Variants in EML6 observed in about 807,000 individuals in gnomAD.
The protein encoded by EML6 is echinoderm microtubule-associated protein-like 6.
EML6 carries 154 observed loss-of-function variants against 240.1 expected under a neutral mutation model. The ratio of observed to expected loss-of-function variants is 0.64; its 90% CI spans 0.56 to 0.73. The LOEUF (loss-of-function observed/expected upper bound fraction) is 0.73, where lower values mean the gene tolerates loss of function less well. Among genes scored for constraint, EML6 ranks in the 30% least tolerant of loss-of-function variants. EML6 has a pLI of 0.00. For missense variants in EML6, 2,964 were observed against 2,474.6 expected, an observed-to-expected ratio of 1.20 and a Z score of -4.20; for synonymous variants, 1,148 against 899.0, an observed-to-expected ratio of 1.28 and a Z score of -4.95.
At position 54,813,092 on chromosome 2, in the gene EML6, T is replaced by G. The variant is rs993907371; in HGVS notation, c.198-140T>G. The stretch of plus-strand genomic sequence containing the variant: ...CATTTCAATTAGTCAAATCAAGTAA[T>G]TAATTACTTTGGGGACAGTTCAGAC... On this transcript the variant is annotated intron_variant, in intron 2 of 41. Coordinates refer to ENST00000356458, the MANE Select transcript of EML6 (RefSeq NM_001039753.4). The G allele has an allele frequency of 1.1e-4, 65 of 618,820 alleles. No homozygotes were observed. The Middle Eastern group carries it at 3.6e-3, about 34-fold the overall frequency. The allele number at this position is 618,820 out of a possible 1,614,324, so 38.3% of individuals were successfully genotyped here.
Position 54,724,073 on chromosome 2 carries a change from T to C in EML6, c.-514+296T>C, listed in dbSNP as rs1215222228. ...AGTACACGATTTTTGCCACTTGTTA[T>C]TTGATTTCTCCTCGACCAGGAGCGT... On this transcript the variant is annotated intron_variant, in intron 1 of 41. Coordinates refer to ENST00000356458, the MANE Select transcript of EML6 (RefSeq NM_001039753.4). The surrounding 1 kb of genome is among the most constrained non-coding windows in gnomAD (Gnocchi z 5.2). Among the ~76,000 whole-genome samples, 2 of 152,220 alleles carry C rather than the reference T, an allele frequency of 1.3e-5. No individual in the cohort carries two copies. Among genetic ancestry groups the C allele is most frequent in the Non-Finnish European group, 2.9e-5 (2 of 68,042 alleles).
chr2:54,894,528 C>T (rs1444779800), intron 19 of EML6, among the ~76,000 whole-genome samples: 2 of 152,194 alleles, frequency 1.3e-5, no homozygotes, highest in African/African-American at 4.8e-5. Context: ...GTGATGTTAA[C>T]TTCAATCCAT....
In EML6 at chr2:54,962,617, G is replaced by A; in HGVS notation, c.5063G>A (p.Gly1688Glu). The change falls in exon 36 of 42, where the codon GGG (glycine) becomes GAG (glutamate). Residue 1688 changes from glycine to glutamate, a missense_variant. Gly to Glu is a moderately conservative substitution (Grantham distance 98). Coordinates refer to ENST00000356458, the MANE Select transcript of EML6 (RefSeq NM_001039753.4). ...SNILIDGHME[G>E]EIWGLATHPS... ...ATCCTGATTGATGGTCACATGGAAG[G>A]GGAGATCTGGGGCCTGGCCACTCAC... 4 of 1,547,552 alleles carry A rather than the reference G, an allele frequency of 2.6e-6. No individual in the cohort carries two copies. The highest frequency in any genetic ancestry group is 2.4e-5 in the South Asian group (2 of 82,762).
At chr2:54,749,205 T>G (rs896407293) in intron 2 of EML6, among the ~76,000 whole-genome samples, 12 of 152,314 alleles carry the variant, frequency 7.9e-5, no homozygotes, top group Admixed American at 7.2e-4. Context: ...ATGTGGAAAT[T>G]TTAAAGTTAA....
intron 24 of EML6, among the ~76,000 whole-genome samples, chr2:54,908,696 T>C (rs553713747): frequency 5.6e-4 from 85 of 152,266 alleles, no homozygotes; most frequent in African/African-American, 1.9e-3. Context: ...CTCTACTTCA[T>C]CTGCACATGG....
intron 28 of EML6, among the ~76,000 whole-genome samples, chr2:54,937,837 T>C (rs531843179): frequency 6.6e-6 from 1 of 152,314 alleles, no homozygotes; most frequent in African/African-American, 2.4e-5. Context: ...AATTAAATAC[T>C]GTTTGTATTT....
At chr2:54,939,558 G>A (rs914018291) in intron 28 of EML6, among the ~76,000 whole-genome samples, 3 of 152,092 alleles carry the variant, frequency 2.0e-5, no homozygotes, top group Non-Finnish European at 4.4e-5. Flanking sequence ...TTGGCTGATC[G>A]CAGCTGTCAG....
At chr2:54,844,006 A>C in intron 7 of EML6, 41 bp from the exon 8 acceptor site, 1 of 760,704 alleles carries the variant, frequency 1.3e-6, no homozygotes, top group African/African-American at 3.1e-5. Context: ...GTGTGTGTGA[A>C]TAGTGTGAAG....
chr2:54,916,920 T>C lies in EML6; in HGVS notation c.3660T>C (p.Phe1220=), dbSNP rs1160198944. 2 of 1,544,202 alleles carry C rather than the reference T, an allele frequency of 1.3e-6. No individual in the cohort carries two copies. The highest frequency in any genetic ancestry group is 8.8e-7 in the Non-Finnish European group (1 of 1,140,558). ...TGDDFGFVKL[F]SYPVKGQHAR... ...ATGATTTTGGTTTCGTTAAGCTTTT[T>C]TCATATCCTGTCAAGGTAATATTGC... Residue 1220 remains phenylalanine (F), a synonymous_variant, in exon 26 of 42, where the codon TTT becomes TTC. Transcript: ENST00000356458.
At chr2:54,905,620 A>T (rs974121554) in intron 24 of EML6, among the ~76,000 whole-genome samples, 3 of 152,136 alleles carry the variant, frequency 2.0e-5, no homozygotes, top group Non-Finnish European at 4.4e-5. Context: ...CTGTTGTGCA[A>T]CCATCACTGC....
At chr2:54,934,077 G>A (rs796615036) in intron 28 of EML6, among the ~76,000 whole-genome samples, 10 of 152,278 alleles carry the variant, frequency 6.6e-5, no homozygotes, top group African/African-American at 2.2e-4. Context: ...AACAATCAAC[G>A]ATTCCTGCCC....
At chr2:54,913,517 T>TA (rs1158973134) in intron 25 of EML6, among the ~76,000 whole-genome samples, 2 of 152,186 alleles carry the variant, frequency 1.3e-5, no homozygotes, top group Non-Finnish European at 2.9e-5. Context: ...TTTTGCCTGT[T>TA]GACTTAAGTT....
intron 17 of EML6, chr2:54,880,390 C>G (rs888514196): frequency 6.6e-6 from 1 of 152,250 alleles, no homozygotes; most frequent in Admixed American, 6.5e-5. Context: ...TTCTGTCTTG[C>G]GATATAAAAT....
intron 25 of EML6, among the ~76,000 whole-genome samples, chr2:54,911,466 T>C (rs1285851100): frequency 6.6e-6 from 1 of 151,974 alleles, no homozygotes; most frequent in Non-Finnish European, 1.5e-5. Flanking sequence ...GTCTTGCTCT[T>C]TTGCCCAGGC....
chr2:54,895,477 T>C, intron 21 of EML6, 77 bp downstream of exon 21: 2 of 1,463,310 alleles, frequency 1.4e-6, no homozygotes, highest in Non-Finnish European at 1.9e-6. Flanking sequence ...ATGCTTAGGT[T>C]GCAAAACTTA....
chr2:54,911,285 A>G (rs879115378), intron 25 of EML6, among the ~76,000 whole-genome samples: 4 of 152,208 alleles, frequency 2.6e-5, no homozygotes, highest in African/African-American at 7.2e-5. Context: ...CCTGAAGACA[A>G]TGAATAAGCT....
intron 17 of EML6, among the ~76,000 whole-genome samples, chr2:54,890,142 GATA>G (rs1672388152): frequency 6.6e-6 from 1 of 152,144 alleles, no homozygotes; most frequent in South Asian, 2.1e-4. Flanking sequence ...ATCTGAAAAT[GATA>G]ATATGATTTT....
At chr2:54,832,341 G>A (rs1668913919) in intron 7 of EML6, among the ~76,000 whole-genome samples, 1 of 152,198 alleles carries the variant, frequency 6.6e-6, no homozygotes, top group South Asian at 2.1e-4. Flanking sequence ...TTGCACTGAA[G>A]CAAGGAAGGA....
chr2:54,852,096 T>A (rs1670122006), intron 10 of EML6, among the ~76,000 whole-genome samples: 1 of 152,234 alleles, frequency 6.6e-6, no homozygotes, highest in African/African-American at 2.4e-5. Flanking sequence ...TCATAGTCCT[T>A]ATTTACTTGG....
Sources: gnomAD v4.1 joint callset for allele counts (sites outside exome capture counted in the v4.1 genomes callset) on GRCh38, gnomAD v4.1.1 for gene constraint, Gnocchi (gnomAD v3.1) non-coding constraint, MANE v1.5 for transcripts, NCBI Gene and HGNC (gene_info 2026-07-23, HGNC 2026-07-21) for gene names.